TBL1XR1: variants seen among roughly 807,000 people sequenced by gnomAD.
TBL1XR1 encodes the protein TBL1X/Y related 1.
In TBL1XR1, 5 loss-of-function variants were observed where a neutral mutation model predicts 66.9. That is an observed-to-expected ratio of 0.07 (90% CI 0.04 to 0.16). TBL1XR1 has a LOEUF of 0.16. Ranked by LOEUF, TBL1XR1 falls within the 10% of genes least tolerant of loss-of-function variation. The pLI is 1.00. For missense variants in TBL1XR1, 238 were observed against 623.2 expected (o/e 0.38, Z 6.58); for synonymous variants, 210 against 206.0 (o/e 1.02, Z -0.17).
intron 1 of TBL1XR1, among the ~76,000 whole-genome samples, chr3:177,107,044 A>G (rs942250981): frequency 6.6e-6 from 1 of 152,200 alleles, no homozygotes; most frequent in Non-Finnish European, 1.5e-5. Context: ...CAGTTCTTCA[A>G]ACACTCTTCA....
At chr3:177,105,357 C>T (rs911627394) in intron 1 of TBL1XR1, among the ~76,000 whole-genome samples, 7 of 151,276 alleles carry the variant, frequency 4.6e-5, no homozygotes, top group African/African-American at 1.2e-4. Context: ...TGTGGGGGGC[C>T]GAAGGAGGGG....
chr3:177,025,233 A>G lies in TBL1XR1; in HGVS notation c.*265T>C. On this transcript the variant is annotated 3_prime_UTR_variant, in exon 16 of 16. Transcript: ENST00000457928. ...TATATTTTTCTCTCTTCTGTTTTTC[A>G]TATCCAAAACTTCTAAATGCTATTT... 2.5e-6 allele frequency: 1 copy of G among 401,530 alleles called. No homozygotes were observed. Among genetic ancestry groups the G allele is most frequent in the Non-Finnish European group, 4.4e-6 (1 of 226,904 alleles). The allele number at this position is 401,530 out of a possible 1,614,324, so 24.9% of individuals were successfully genotyped here. A position where few individuals can be genotyped will look rare whatever the true frequency, so the allele number is the denominator to read the frequency against.
chr3:177,081,723 A>G (rs964978783), intron 2 of TBL1XR1, among the ~76,000 whole-genome samples: 3 of 145,896 alleles, frequency 2.1e-5, no homozygotes, highest in African/African-American at 5.1e-5. Flanking sequence ...GCCTGACTAG[A>G]TAAGGCAAGA....
At chr3:177,185,606 C>A (rs376807476) in intron 1 of TBL1XR1, among the ~76,000 whole-genome samples, 39 of 145,092 alleles carry the variant, frequency 2.7e-4, no homozygotes, top group Non-Finnish European at 2.4e-4. Flanking sequence ...AGACTGTTTC[C>A]AAAAAAAAAA....
intron 1 of TBL1XR1, among the ~76,000 whole-genome samples, chr3:177,129,246 AC>A (rs1728004125): frequency 6.6e-6 from 1 of 152,226 alleles, no homozygotes; most frequent in Admixed American, 6.5e-5. Context: ...GAAAACAATT[AC>A]AACTCATATC....
chr3:177,191,370 C>A (rs1736118876), intron 1 of TBL1XR1, among the ~76,000 whole-genome samples: 1 of 152,204 alleles, frequency 6.6e-6, no homozygotes, highest in Admixed American at 6.5e-5. Context: ...ACCATTCATT[C>A]ATTGAGAAGA....
At chr3:177,045,356 T>C (rs567250567) in intron 10 of TBL1XR1, among the ~76,000 whole-genome samples, 1 of 152,112 alleles carries the variant, frequency 6.6e-6, no homozygotes, top group Non-Finnish European at 1.5e-5. Flanking sequence ...TTTAACATCA[T>C]TTAGTTACTG....
At chr3:177,189,103 G>C (rs1248302188) in intron 1 of TBL1XR1, among the ~76,000 whole-genome samples, 1 of 151,950 alleles carries the variant, frequency 6.6e-6, no homozygotes, top group Non-Finnish European at 1.5e-5. Flanking sequence ...AGCTACTCAG[G>C]AGGCTGAGGC....
At chr3:177,180,372 T>C (rs1245611246) in intron 1 of TBL1XR1, among the ~76,000 whole-genome samples, 2 of 131,888 alleles carry the variant, frequency 1.5e-5, no homozygotes, top group Non-Finnish European at 3.3e-5. Context: ...ATACGTTCAT[T>C]CCCCCCCCCC....
intron 1 of TBL1XR1, among the ~76,000 whole-genome samples, chr3:177,143,222 C>T (rs1729833322): frequency 1.3e-5 from 2 of 151,950 alleles, no homozygotes; most frequent in Non-Finnish European, 2.9e-5. Flanking sequence ...CACACAGTTA[C>T]TATTGATCAG....
At chr3:177,108,028 A>AC (rs1466923434) in intron 1 of TBL1XR1, among the ~76,000 whole-genome samples, 2 of 152,026 alleles carry the variant, frequency 1.3e-5, no homozygotes, top group Non-Finnish European at 2.9e-5. Flanking sequence ...TTATTCAAAA[A>AC]AAAAAAAGAT....
At chr3:177,178,376 A>G (rs1008735620) in intron 1 of TBL1XR1, among the ~76,000 whole-genome samples, 6 of 152,244 alleles carry the variant, frequency 3.9e-5, no homozygotes, top group African/African-American at 1.4e-4. Flanking sequence ...ACTCTATAAA[A>G]CAATATAAGC....
intron 1 of TBL1XR1, among the ~76,000 whole-genome samples, chr3:177,134,979 C>CTGTGTG (rs1455104135): frequency 2.1e-5 from 1 of 48,208 alleles, no homozygotes; most frequent in African/African-American, 7.6e-5. Flanking sequence ...GTGTGTGTGT[C>CTGTGTG]TGTGTGTGTG....
At chr3:177,041,025 C>T (rs777135009) in intron 10 of TBL1XR1, 1 of 152,176 alleles carries the variant, frequency 6.6e-6, no homozygotes, top group Non-Finnish European at 1.5e-5. Context: ...TACAAAATTT[C>T]AAATTATGAG....
intron 1 of TBL1XR1, among the ~76,000 whole-genome samples, chr3:177,194,859 T>A (rs1559976773): frequency 6.6e-6 from 1 of 152,142 alleles, no homozygotes; most frequent in Non-Finnish European, 1.5e-5. Flanking sequence ...TAACACTTCT[T>A]TGAAGCAACC....
rs1285047459 is a variant in TBL1XR1 at position 177,020,520 on chromosome 3, T to C, written c.*4978A>G. 1.3e-5 allele frequency: 2 copies of C among 152,180 alleles called. No individual in the cohort carries two copies. The highest frequency in any genetic ancestry group is 1.3e-4 in the Admixed American group (2 of 15,272). 9.4% of individuals were successfully genotyped at this position (152,180 alleles called of 1,614,324 possible). A position where few individuals can be genotyped will look rare whatever the true frequency, so the allele number is the denominator to read the frequency against. On this transcript the variant is annotated 3_prime_UTR_variant, in exon 16 of 16. Transcript: ENST00000457928. ...TGAAAAACAGTGGTTTGGGTTCTGA[T>C]GGCAGTTATTAATCAGTAACACCAG...
rs908750176 is a variant in TBL1XR1 at position 177,132,724 on chromosome 3, C to T, written c.-121-34183G>A. Among the ~76,000 whole-genome samples, 44 of 152,084 alleles carry T rather than the reference C, an allele frequency of 2.9e-4. 1 individual carries two copies. Among genetic ancestry groups the T allele is most frequent in the African/African-American group, 1.0e-3 (43 of 41,424 alleles). On this transcript the variant is annotated intron_variant, in intron 1 of 15. Coordinates refer to ENST00000457928, the MANE Select transcript of TBL1XR1 (RefSeq NM_024665.7). The stretch of plus-strand genomic sequence containing the variant: ...CAACAAAGTGACAACCAGGGATAGG[C>T]TCTAAGGAAAGAACAAGTTTGATTC...
chr3:177,053,362 A>G (rs902486872), intron 4 of TBL1XR1, among the ~76,000 whole-genome samples: 4 of 152,194 alleles, frequency 2.6e-5, no homozygotes, highest in African/African-American at 9.7e-5. Flanking sequence ...CCCTAAGCCA[A>G]ACAAACTACT....
At chr3:177,192,876 C>T (rs906466137) in intron 1 of TBL1XR1, among the ~76,000 whole-genome samples, 24 of 152,038 alleles carry the variant, frequency 1.6e-4, no homozygotes, top group African/African-American at 4.6e-4. Context: ...TAGGGCCAGG[C>T]GCAATGTGGC....
Sources: allele counts gnomAD v4.1 joint callset (sites outside exome capture counted in the v4.1 genomes callset), GRCh38; gene constraint gnomAD v4.1.1; transcripts MANE v1.5; gene names NCBI Gene and HGNC (gene_info 2026-07-23, HGNC 2026-07-21).